The following MCTP1 variants were observed in gnomAD, a reference collection of about 807,000 sequenced individuals.
MCTP1 encodes the protein multiple C2 and transmembrane domain containing 1.
Under a neutral mutation model 120.6 loss-of-function variants are expected in MCTP1, and 69 were observed. The observed-to-expected ratio is 0.57, with a 90% CI of 0.47 to 0.70. The LOEUF (loss-of-function observed/expected upper bound fraction) is 0.70, where lower values mean the gene tolerates loss of function less well. MCTP1 is among the 30% of genes least tolerant of loss of function. The pLI is 0.00. For synonymous variants in MCTP1, 529 were observed against 493.1 expected (o/e 1.07, Z -0.96); for missense variants, 1,203 against 1,248.8 (o/e 0.96, Z 0.55).
intron 19 of MCTP1, among the ~76,000 whole-genome samples, chr5:94,756,544 A>G (rs1445804222): frequency 6.6e-6 from 1 of 152,202 alleles, no homozygotes; most frequent in East Asian, 1.9e-4. Context: ...AGGCGATAAG[A>G]ATGAATTATA....
chr5:94,996,331 T>C (rs899916521), intron 2 of MCTP1, among the ~76,000 whole-genome samples: 1 of 152,238 alleles, frequency 6.6e-6, no homozygotes, highest in East Asian at 1.9e-4. Flanking sequence ...GAATAAGTCA[T>C]GCCTTTGTTT....
intron 6 of MCTP1, chr5:94,931,399 T>C (rs1814637614): frequency 6.6e-6 from 1 of 152,214 alleles, no homozygotes; most frequent in Admixed American, 6.6e-5. Flanking sequence ...ACTTAGTTTA[T>C]ATTTTGCATA....
At chr5:94,971,526 TCAGA>T (rs1826868930) in intron 2 of MCTP1, among the ~76,000 whole-genome samples, 1 of 152,136 alleles carries the variant, frequency 6.6e-6, no homozygotes, top group Non-Finnish European at 1.5e-5. Context: ...AGGTCAATAA[TCAGA>T]CAGACATTTC....
At chr5:95,228,004 C>A (rs1754475605) in intron 1 of MCTP1, among the ~76,000 whole-genome samples, 1 of 152,042 alleles carries the variant, frequency 6.6e-6, no homozygotes, top group African/African-American at 2.4e-5. Context: ...TACTATATAT[C>A]AGACACTAGG....
chr5:94,799,327 A>AT (rs1195323124), intron 17 of MCTP1, among the ~76,000 whole-genome samples, 195 bp from the exon 18 acceptor site: 1 of 152,132 alleles, frequency 6.6e-6, no homozygotes, highest in Non-Finnish European at 1.5e-5. Flanking sequence ...CACTGGTAAG[A>AT]TTTTCAATCT....
chr5:94,711,981 A>AT (rs1665894208), intron 20 of MCTP1, among the ~76,000 whole-genome samples: 1 of 152,062 alleles, frequency 6.6e-6, no homozygotes, highest in African/African-American at 2.4e-5. Context: ...GCATATAAAT[A>AT]TATCACCATT....
intron 2 of MCTP1, among the ~76,000 whole-genome samples, chr5:94,973,385 A>G (rs1252394484): frequency 1.3e-5 from 2 of 152,200 alleles, no homozygotes; most frequent in African/African-American, 4.8e-5. Context: ...ATTGTATACT[A>G]GGGAAGCCAT....
intron 1 of MCTP1, among the ~76,000 whole-genome samples, chr5:95,263,841 T>A (rs1267781034): frequency 6.6e-6 from 1 of 152,208 alleles, no homozygotes; most frequent in African/African-American, 2.4e-5. Context: ...ACTCAAGCTC[T>A]GGAAGACAGT....
intron 10 of MCTP1, among the ~76,000 whole-genome samples, chr5:94,907,153 C>T (rs1365184816): frequency 6.6e-6 from 1 of 152,164 alleles, no homozygotes; most frequent in Non-Finnish European, 1.5e-5. Context: ...TTTTCAGCGG[C>T]AAGATGCTTT....
chr5:94,881,288 A>C (rs886367726), intron 12 of MCTP1, among the ~76,000 whole-genome samples: 2 of 152,010 alleles, frequency 1.3e-5, no homozygotes, highest in Non-Finnish European at 2.9e-5. Context: ...TTTAGTACTA[A>C]CCTCCAGAGA....
At chr5:94,829,024 A>C (rs1787902509) in intron 17 of MCTP1, among the ~76,000 whole-genome samples, 1 of 145,786 alleles carries the variant, frequency 6.9e-6, no homozygotes, top group African/African-American at 2.5e-5. Flanking sequence ...CAAAAAAAAA[A>C]CTCCTGCAGT....
At chr5:94,778,686 C>T (rs181655795) in intron 19 of MCTP1, among the ~76,000 whole-genome samples, 1 of 152,122 alleles carries the variant, frequency 6.6e-6, no homozygotes, top group Admixed American at 6.6e-5. Flanking sequence ...TTTTGCTGAG[C>T]AATTGTTTGA....
chr5:94,928,620 C>T (rs896459182), intron 6 of MCTP1, among the ~76,000 whole-genome samples: 4 of 151,982 alleles, frequency 2.6e-5, no homozygotes, highest in African/African-American at 7.2e-5. Flanking sequence ...TCAAAATGTG[C>T]GTAATAGAAA....
chr5:95,050,535 C>T (rs993725750), intron 1 of MCTP1, among the ~76,000 whole-genome samples: 1 of 152,186 alleles, frequency 6.6e-6, no homozygotes, highest in Non-Finnish European at 1.5e-5. Context: ...GCTAAATTCA[C>T]TTCTGGTAGC....
chr5:94,871,299 G>C lies in MCTP1; in HGVS notation c.2139+16C>G. The C allele has an allele frequency of 2.7e-6, 4 of 1,459,394 alleles. No individual in the cohort carries two copies. The highest frequency in any genetic ancestry group is 3.8e-6 in the Non-Finnish European group (4 of 1,039,492). The allele number at this position is 1,459,394 out of a possible 1,614,324, so 90.4% of individuals were successfully genotyped here. Reference sequence around the variant, plus strand: ...AAAAGCAACACAGAACAGTGTGTCAGGTGAATAAAACTTACAGACAGCAAT... The same window carrying C: ...AAAAGCAACACAGAACAGTGTGTCACGTGAATAAAACTTACAGACAGCAAT... On this transcript the variant is annotated intron_variant, in intron 14 of 22. Transcript: ENST00000515393.
chr5:95,162,594 T>C (rs1286063305), intron 1 of MCTP1, among the ~76,000 whole-genome samples: 1 of 152,208 alleles, frequency 6.6e-6, no homozygotes, highest in African/African-American at 2.4e-5. Flanking sequence ...ACTCATTATA[T>C]TGCCATCAGA....
At position 94,802,424 on chromosome 5, in the gene MCTP1, G is replaced by C. The variant is rs866838203; in HGVS notation, c.2437-3292C>G. Among the ~76,000 whole-genome samples the C allele has an allele frequency of 3.3e-5, 5 of 152,294 alleles. No individual in the cohort carries two copies. In the South Asian group the frequency reaches 1.0e-3, roughly 32 times the overall value. On this transcript the variant is annotated intron_variant, in intron 17 of 22. Coordinates refer to ENST00000515393, the MANE Select transcript of MCTP1 (RefSeq NM_024717.7). ...TTAGTGATAATTCTAATTCCTGTTA[G>C]CTGGTGAGGCTCCTCTAATAAAGAG...
At chr5:95,174,303 C>T (rs949381474) in intron 1 of MCTP1, among the ~76,000 whole-genome samples, 3 of 151,630 alleles carry the variant, frequency 2.0e-5, no homozygotes, top group African/African-American at 7.3e-5. Flanking sequence ...TTTCAAAACC[C>T]GTATTAATTA....
chr5:95,184,264 G>A (rs1226163046), intron 1 of MCTP1, among the ~76,000 whole-genome samples: 2 of 152,032 alleles, frequency 1.3e-5, no homozygotes, highest in Non-Finnish European at 2.9e-5. Flanking sequence ...AAGGAAATAC[G>A]TGTCCACAAA....
Sources: allele counts gnomAD v4.1 joint callset (sites outside exome capture counted in the v4.1 genomes callset), GRCh38; gene constraint gnomAD v4.1.1; transcripts MANE v1.5; gene names NCBI Gene and HGNC (gene_info 2026-07-23, HGNC 2026-07-21).